The following KCNMB2 variants were observed in gnomAD, a reference collection of about 807,000 sequenced individuals.
KCNMB2 encodes the protein calcium-activated potassium channel subunit beta-2.
KCNMB2 carries 9 observed loss-of-function variants against 24.5 expected under a neutral mutation model. The observed-to-expected ratio is 0.37, with a 90% CI of 0.22 to 0.64. KCNMB2 has a LOEUF of 0.64. Among genes scored for constraint, KCNMB2 ranks in the 30% least tolerant of loss-of-function variants. The pLI is 0.63. For synonymous variants in KCNMB2, 109 were observed against 104.4 expected, an observed-to-expected ratio of 1.04 and a Z score of -0.27; for missense variants, 226 against 284.3, an observed-to-expected ratio of 0.79 and a Z score of 1.47.
At position 178,665,578 on chromosome 3, in the gene KCNMB2, C is replaced by T. The variant is rs374398804; in HGVS notation, c.-68+128867C>T. Reference sequence around the variant, plus strand: ...TTGCACTATACAAATTGCCTTTATGCCTCTTTAGTTGTTTTCAATGACTTT... The same window carrying T: ...TTGCACTATACAAATTGCCTTTATGTCTCTTTAGTTGTTTTCAATGACTTT... On this transcript the variant is annotated intron_variant, in intron 1 of 4. Coordinates refer to ENST00000452583, the MANE Select transcript of KCNMB2 (RefSeq NM_181361.3). 5.3e-4 allele frequency among the ~76,000 whole-genome samples: 80 copies of T among 152,096 alleles called. No homozygotes were observed. In the South Asian group the frequency reaches 0.013, roughly 24 times the overall value.
rs76117546 is a variant in KCNMB2 at position 178,676,588 on chromosome 3, C to T, written c.-67-130755C>T. On this transcript the variant is annotated intron_variant, in intron 1 of 4. Transcript: ENST00000452583. ...CACCTCCTGCCTCCCAAGAAGGCCA[C>T]TGAGCCCTAAGCTTGAGTTTTTTTA... is the stretch of plus-strand genomic sequence containing the variant. 3.3e-4 allele frequency among the ~76,000 whole-genome samples: 50 copies of T among 152,322 alleles called. No individual in the cohort carries two copies. The East Asian group carries it at 7.5e-3, about 23-fold the overall frequency.
chr3:178,838,229 TC>T (rs1377260345), intron 4 of KCNMB2, among the ~76,000 whole-genome samples: 1 of 152,166 alleles, frequency 6.6e-6, no homozygotes, highest in Non-Finnish European at 1.5e-5. Flanking sequence ...ACCCTTTTGA[TC>T]CAGAGGCATC....
chr3:178,554,059 T>G (rs1488540125), intron 1 of KCNMB2, among the ~76,000 whole-genome samples: 1 of 152,172 alleles, frequency 6.6e-6, no homozygotes, highest in East Asian at 1.9e-4. Context: ...TACATGATTA[T>G]CTCATCTCAT....
Position 178,812,831 on chromosome 3 carries a change from A to T in KCNMB2, c.56+5366A>T, listed in dbSNP as rs1294543382. 3.3e-5 allele frequency among the ~76,000 whole-genome samples: 5 copies of T among 152,100 alleles called. No individual in the cohort carries two copies. The South Asian group carries it at 1.0e-3, about 32-fold the overall frequency. ...CCACCTCAGACAAACACCTCACAAC[A>T]GTTTACAAATTTTAGCATTATGCCT... On this transcript the variant is annotated intron_variant, in intron 2 of 4. Transcript: ENST00000452583.
intron 1 of KCNMB2, among the ~76,000 whole-genome samples, chr3:178,768,956 G>A (rs544490681): frequency 1.0e-3 from 136 of 136,500 alleles, no homozygotes; most frequent in African/African-American, 3.4e-3. Flanking sequence ...AACATTGCAC[G>A]GTGAAGAAGT....
At position 178,828,925 on chromosome 3, in the gene KCNMB2, CTGTGTGTGTGTGTGTGTGTGTG is replaced by C. The variant is rs71181254; in HGVS notation, c.423+580_423+601del. Among the ~76,000 whole-genome samples, 119 of 142,844 alleles carry C rather than the reference CTGTGTGTGTGTGTGTGTGTGTG, an allele frequency of 8.3e-4. 1 individual carries two copies. Among genetic ancestry groups the C allele is most frequent in the Non-Finnish European group, 1.3e-3 (87 of 65,564 alleles). 93.7% of individuals were successfully genotyped at this position (142,844 alleles called of 152,430 possible). A position where few individuals can be genotyped will look rare whatever the true frequency, so the allele number is the denominator to read the frequency against. ...GCATGCTACTTTCAACCCATGGTCACTGTGTGTGTGTGTGTGTGTGTGTGTGTGTGTGTGTGTGTGTGTGTGT... is the reference window on the plus strand; with the variant it reads ...GCATGCTACTTTCAACCCATGGTCACTGTGTGTGTGTGTGTGTGTGTGTGT... On this transcript the variant is annotated intron_variant, in intron 4 of 4. Coordinates refer to ENST00000452583, the MANE Select transcript of KCNMB2 (RefSeq NM_181361.3).
At chr3:178,797,132 T>G (rs996436922) in intron 1 of KCNMB2, among the ~76,000 whole-genome samples, 1 of 151,928 alleles carries the variant, frequency 6.6e-6, no homozygotes, top group Non-Finnish European at 1.5e-5. Flanking sequence ...ATTGGAAAAC[T>G]TAGAAGAAAC....
chr3:178,808,365 G>A (rs760126356), intron 2 of KCNMB2, among the ~76,000 whole-genome samples: 5 of 152,070 alleles, frequency 3.3e-5, no homozygotes, highest in Middle Eastern at 3.2e-3. Flanking sequence ...AGCAAGTTGC[G>A]CATCAGGCAG....
chr3:178,587,601 G>GTTTT (rs764417885), intron 1 of KCNMB2, among the ~76,000 whole-genome samples: 3 of 133,070 alleles, frequency 2.3e-5, no homozygotes, highest in African/African-American at 8.5e-5. Context: ...TTTTTTGGGT[G>GTTTT]GTTTTTTTTT....
At chr3:178,683,496 T>C (rs1197810220) in intron 1 of KCNMB2, among the ~76,000 whole-genome samples, 1 of 152,196 alleles carries the variant, frequency 6.6e-6, no homozygotes, top group Non-Finnish European at 1.5e-5. Flanking sequence ...AATAAATACA[T>C]GAAAATTATC....
chr3:178,794,228 T>C (rs1406674289), intron 1 of KCNMB2, among the ~76,000 whole-genome samples: 1 of 152,120 alleles, frequency 6.6e-6, no homozygotes, highest in Non-Finnish European at 1.5e-5. Flanking sequence ...GTCTGGGTCA[T>C]TCTGTAGCTT....
At chr3:178,741,204 T>C (rs1402626642) in intron 1 of KCNMB2, among the ~76,000 whole-genome samples, 1 of 152,204 alleles carries the variant, frequency 6.6e-6, no homozygotes, top group Admixed American at 6.5e-5. Flanking sequence ...ACTTTTACCA[T>C]GCATTGGAAT....
intron 1 of KCNMB2, among the ~76,000 whole-genome samples, chr3:178,587,033 T>C (rs925235652): frequency 6.6e-6 from 1 of 152,210 alleles, no homozygotes; most frequent in Admixed American, 6.5e-5. Flanking sequence ...TCTCCAAATA[T>C]ATGTAATAAA....
At chr3:178,569,869 CTTATATCTGT>C (rs1158857107) in intron 1 of KCNMB2, among the ~76,000 whole-genome samples, 5 of 152,122 alleles carry the variant, frequency 3.3e-5, no homozygotes, top group Non-Finnish European at 5.9e-5. Flanking sequence ...CCTCCTTCAA[CTTATATCTGT>C]TTATTGCATG....
intron 1 of KCNMB2, among the ~76,000 whole-genome samples, chr3:178,743,115 T>C (rs539016087): frequency 6.6e-6 from 1 of 152,236 alleles, no homozygotes; most frequent in East Asian, 1.9e-4. Context: ...TCCATAGCAG[T>C]GTAGCAGAGT....
chr3:178,560,209 T>C (rs1560108966), intron 1 of KCNMB2, among the ~76,000 whole-genome samples: 2 of 151,940 alleles, frequency 1.3e-5, no homozygotes, highest in Admixed American at 6.6e-5. Flanking sequence ...TTTTCCAAGA[T>C]AGTTTGTACC....
intron 1 of KCNMB2, among the ~76,000 whole-genome samples, chr3:178,783,063 G>A (rs1010341043): frequency 6.7e-6 from 1 of 150,234 alleles, no homozygotes; most frequent in Admixed American, 6.7e-5. Context: ...TTTCCCCATT[G>A]CTTGTTTTTC....
At chr3:178,766,586 T>C (rs963531687) in intron 1 of KCNMB2, among the ~76,000 whole-genome samples, 1 of 152,214 alleles carries the variant, frequency 6.6e-6, no homozygotes, top group African/African-American at 2.4e-5. Flanking sequence ...TTTATTTTCC[T>C]ATTTTGTTAT....
At chr3:178,696,234 A>G (rs1196289595) in intron 1 of KCNMB2, among the ~76,000 whole-genome samples, 2 of 152,222 alleles carry the variant, frequency 1.3e-5, no homozygotes, top group Admixed American at 6.5e-5. Context: ...TTATGATTTA[A>G]TTATCTCCAC....
Sources: gnomAD v4.1 joint callset for allele counts (sites outside exome capture counted in the v4.1 genomes callset) on GRCh38, gnomAD v4.1.1 for gene constraint, MANE v1.5 for transcripts, NCBI Gene and HGNC (gene_info 2026-07-23, HGNC 2026-07-21) for gene names.